Variants in HSD17B3 observed in about 807,000 individuals in gnomAD.
HSD17B3 encodes hydroxysteroid 17-beta dehydrogenase 3, also known as 17-beta-hydroxysteroid dehydrogenase type 3.
Under a neutral mutation model 41.1 loss-of-function variants are expected in HSD17B3, and 29 were observed. The ratio of observed to expected loss-of-function variants is 0.71; its 90% CI spans 0.53 to 0.96. The LOEUF (loss-of-function observed/expected upper bound fraction) is 0.96. HSD17B3 is among the 40% of genes least tolerant of loss of function. The pLI is 0.00. For missense variants in HSD17B3, 323 were observed against 374.6 expected (o/e 0.86, Z 1.14); for synonymous variants, 126 against 145.6 (o/e 0.87, Z 0.97).
intron 2 of HSD17B3, among the ~76,000 whole-genome samples, chr9:96,272,416 T>TATATATATATATAAA (rs1826288117): frequency 1.5e-5 from 1 of 65,912 alleles, no homozygotes; most frequent in Non-Finnish European, 2.9e-5. Flanking sequence ...TATATATATA[T>TATATATATATATAAA]ATATATATAT....
At chr9:96,272,878 C>T (rs554115027) in intron 2 of HSD17B3, among the ~76,000 whole-genome samples, 69 of 152,184 alleles carry the variant, frequency 4.5e-4, no homozygotes, top group African/African-American at 1.6e-3. Context: ...TTCTACTCGG[C>T]ACTAAGAAGG....
chr9:96,256,752 C>T (rs1825677388), intron 2 of HSD17B3, among the ~76,000 whole-genome samples: 1 of 151,904 alleles, frequency 6.6e-6, no homozygotes, highest in African/African-American at 2.4e-5. Flanking sequence ...TCTCCAATAG[C>T]CAGCAATTCA....
At chr9:96,242,620 A>G (rs1836500082) in intron 9 of HSD17B3, among the ~76,000 whole-genome samples, 1 of 152,156 alleles carries the variant, frequency 6.6e-6, no homozygotes, top group Non-Finnish European at 1.5e-5. Flanking sequence ...TGGTTTTTGA[A>G]AGATCACAGT....
rs542631769 is a variant in HSD17B3 at position 96,241,196 on chromosome 9, A to G, written c.673-289T>C. Among the ~76,000 whole-genome samples, 3 of 152,352 alleles carry G rather than the reference A, an allele frequency of 2.0e-5. No individual in the cohort carries two copies. The South Asian group carries it at 6.2e-4, about 32-fold the overall frequency. ...GTCTCTCTCTCAGAACCAAGTTGCA[A>G]GACAGCAAATAAAAATACAGGATGT... On this transcript the variant is annotated intron_variant, in intron 9 of 10. Coordinates refer to ENST00000375263, the MANE Select transcript of HSD17B3 (RefSeq NM_000197.2).
intron 2 of HSD17B3, among the ~76,000 whole-genome samples, chr9:96,265,553 GAC>G (rs2130751777): frequency 6.6e-6 from 1 of 152,214 alleles, no homozygotes; most frequent in Non-Finnish European, 1.5e-5. Context: ...CTCTACTAAA[GAC>G]AATATCAAAA....
At chr9:96,268,353 A>C (rs1186491170) in intron 2 of HSD17B3, among the ~76,000 whole-genome samples, 1 of 152,206 alleles carries the variant, frequency 6.6e-6, no homozygotes, top group Non-Finnish European at 1.5e-5. Flanking sequence ...ACAAAAAAAA[A>C]CTTTATGCCA....
chr9:96,290,703 G>A (rs991640164), intron 2 of HSD17B3, among the ~76,000 whole-genome samples: 3 of 151,644 alleles, frequency 2.0e-5, no homozygotes, highest in Admixed American at 6.6e-5. Context: ...GCATGGTGGC[G>A]GGTGCCTGTA....
At chr9:96,247,906 T>C (rs1836737114) in intron 6 of HSD17B3, among the ~76,000 whole-genome samples, 1 of 152,216 alleles carries the variant, frequency 6.6e-6, no homozygotes. Context: ...TTTAAAATAG[T>C]GCAGCTTCAC....
intron 2 of HSD17B3, among the ~76,000 whole-genome samples, chr9:96,287,436 C>T (rs751367984): frequency 1.3e-5 from 2 of 152,202 alleles, no homozygotes; most frequent in East Asian, 1.9e-4. Context: ...ACTGGCCGGG[C>T]GTGGTGGCTC....
In HSD17B3 at chr9:96,237,967, C is replaced by CA. The variant is rs953023437; in HGVS notation, c.823-2398dup. On this transcript the variant is annotated intron_variant, in intron 10 of 10. Coordinates refer to ENST00000375263, the MANE Select transcript of HSD17B3 (RefSeq NM_000197.2). ...CAACAAAGTGAGCCCCAGTCTCTAC[C>CA]AAAAAAAAAATTAAAACATTAGCTG... Among the ~76,000 whole-genome samples, 33 of 148,416 alleles carry CA rather than the reference C, an allele frequency of 2.2e-4. No homozygotes were observed. The South Asian group carries it at 4.1e-3, about 18-fold the overall frequency.
At chr9:96,277,310 T>C (rs1323542371) in intron 2 of HSD17B3, among the ~76,000 whole-genome samples, 1 of 152,106 alleles carries the variant, frequency 6.6e-6, no homozygotes, top group African/African-American at 2.4e-5. Context: ...ATTTGCCAAC[T>C]ACATGTCTGA....
At chr9:96,277,240 C>G (rs1472745761) in intron 2 of HSD17B3, among the ~76,000 whole-genome samples, 1 of 151,604 alleles carries the variant, frequency 6.6e-6, no homozygotes, top group Non-Finnish European at 1.5e-5. Context: ...TAAAAAGCAT[C>G]TGTGCAGCAA....
intron 2 of HSD17B3, among the ~76,000 whole-genome samples, chr9:96,293,291 A>C (rs1180983435): frequency 6.6e-6 from 1 of 152,110 alleles, no homozygotes; most frequent in Admixed American, 6.6e-5. Flanking sequence ...AGCATATTAC[A>C]CTCCATAAGG....
At chr9:96,270,957 G>GA (rs955158841) in intron 2 of HSD17B3, among the ~76,000 whole-genome samples, 5 of 147,908 alleles carry the variant, frequency 3.4e-5, no homozygotes, top group Admixed American at 6.8e-5. Context: ...TCCTCTCGGG[G>GA]GGGGGGGTTA....
Position 96,294,179 on chromosome 9 carries a change from C to T in HSD17B3, c.201+4237G>A, listed in dbSNP as rs111701178. 3.9e-5 allele frequency among the ~76,000 whole-genome samples: 6 copies of T among 152,022 alleles called. 1 individual carries two copies. Among genetic ancestry groups the T allele is most frequent in the African/African-American group, 1.4e-4 (6 of 41,470 alleles). ...CCCATAATCGCAGCACTTTGGGAGG[C>T]CAAGGCAAGAGGATTGCTTAAGCTT... is the stretch of plus-strand genomic sequence containing the variant. On this transcript the variant is annotated intron_variant, in intron 2 of 10. Coordinates refer to ENST00000375263, the MANE Select transcript of HSD17B3 (RefSeq NM_000197.2).
At chr9:96,295,884 G>T (rs1317155673) in intron 2 of HSD17B3, among the ~76,000 whole-genome samples, 1 of 152,112 alleles carries the variant, frequency 6.6e-6, no homozygotes, top group Non-Finnish European at 1.5e-5. Flanking sequence ...ATGACACTTG[G>T]AGGTAAGGCT....
At chr9:96,250,076 T>TTCAAAGGGAGCTACTCCATTC in intron 5 of HSD17B3, 17 of 1,377,024 alleles carry the variant, frequency 1.2e-5, no homozygotes, top group Non-Finnish European at 1.4e-5. Context: ...AATACGGTTT[T>TTCAAAGGGAGCTACTCCATTC]TCAAAGGGAG....
chr9:96,270,997 T>C (rs765820161), intron 2 of HSD17B3, among the ~76,000 whole-genome samples: 6 of 151,850 alleles, frequency 4.0e-5, no homozygotes, highest in Admixed American at 1.3e-4. Flanking sequence ...GGAAACAATT[T>C]GGCAATGGTA....
chr9:96,284,685 C>A (rs368518587), intron 2 of HSD17B3, among the ~76,000 whole-genome samples: 1 of 152,140 alleles, frequency 6.6e-6, no homozygotes, highest in East Asian at 1.9e-4. Flanking sequence ...ATATCACTTT[C>A]TAACAGGTCC....
Sources: gnomAD v4.1 joint callset for allele counts (sites outside exome capture counted in the v4.1 genomes callset) on GRCh38, gnomAD v4.1.1 for gene constraint, MANE v1.5 for transcripts, NCBI Gene and HGNC (gene_info 2026-07-23, HGNC 2026-07-21) for gene names.